The following ADGRF1 variants were observed in gnomAD, a reference collection of about 807,000 sequenced individuals.
ADGRF1 encodes the protein adhesion G protein-coupled receptor F1, also known as G protein-coupled receptor 110.
ADGRF1 carries 85 observed loss-of-function variants against 87.2 expected under a neutral mutation model. The ratio of observed to expected loss-of-function variants is 0.97; its 90% CI spans 0.82 to 1.17. The LOEUF (loss-of-function observed/expected upper bound fraction) is 1.17. ADGRF1 is among the 50% of genes most tolerant of loss of function. The pLI, the probability that ADGRF1 is intolerant of heterozygous loss-of-function variation, is 0.00. For synonymous variants in ADGRF1, 430 were observed against 408.8 expected, an observed-to-expected ratio of 1.05 and a Z score of -0.63; for missense variants, 1,169 against 1,077.2, an observed-to-expected ratio of 1.09 and a Z score of -1.19.
In ADGRF1 at chr6:47,008,994, C is replaced by T. The variant is rs1779609770; in HGVS notation, c.2441G>A (p.Ser814Asn). 3 of 1,610,650 alleles carry T rather than the reference C, an allele frequency of 1.9e-6. No individual in the cohort carries two copies. The African/African-American group carries it at 4.0e-5, about 22-fold the overall frequency. ...AATAACATGCCAAGCCAGATTCTGG[C>T]TGTCCACTATTGTTCCTATTCCAAA... ...WGFGIGTIVD[S>N]QNLAWHVIFA... Residue 814 changes from serine to asparagine, a missense_variant, in exon 11 of 15, where the codon AGC becomes AAC. By Grantham distance (46) the Ser-to-Asn change is conservative. Transcript: ENST00000371253.
intron 9 of ADGRF1, chr6:47,012,899 A>T (rs1438074416): frequency 1.6e-6 from 1 of 606,240 alleles, no homozygotes; most frequent in Non-Finnish European, 2.1e-6. Flanking sequence ...CCTCCCAAGT[A>T]GCTGGGATTA....
Position 47,026,108 on chromosome 6 carries a change from CCA to C in ADGRF1, c.128-107_128-106del, listed in dbSNP as rs1185495073. ...CATCAAATTTAGGTCAGGGACTCTACCATGCTGCTTGTTCCTGAGTTCCTCTC... is the reference window on the plus strand; with the variant it reads ...CATCAAATTTAGGTCAGGGACTCTACTGCTGCTTGTTCCTGAGTTCCTCTC... On this transcript the variant is annotated intron_variant, in intron 3 of 14. Coordinates refer to ENST00000371253, the MANE Select transcript of ADGRF1 (RefSeq NM_153840.4). 9.5e-6 allele frequency: 9 copies of C among 950,856 alleles called. No homozygotes were observed. The African/African-American group carries it at 1.5e-4, about 16-fold the overall frequency. The allele number at this position is 950,856 out of a possible 1,614,324, so 58.9% of individuals were successfully genotyped here.
intron 13 of ADGRF1, among the ~76,000 whole-genome samples, chr6:47,004,038 G>T (rs1779439780): frequency 6.6e-6 from 1 of 152,004 alleles, no homozygotes; most frequent in Admixed American, 6.6e-5. Flanking sequence ...ATTATCCTCA[G>T]TCTCTCTCTT....
intron 8 of ADGRF1, among the ~76,000 whole-genome samples, chr6:47,015,402 C>A (rs1037897393): frequency 4.0e-5 from 6 of 149,724 alleles, no homozygotes; most frequent in African/African-American, 7.6e-5. Flanking sequence ...CTGGAAGATC[C>A]ACAAGGGCTA....
At position 46,999,078 on chromosome 6, in the gene ADGRF1, A is replaced by C. The variant is rs1217102533; in HGVS notation, c.*1144T>G. On this transcript the variant is annotated 3_prime_UTR_variant, in exon 15 of 15. Transcript: ENST00000371253. ...ATCAAAGGCTCGGGTTCCTCTGGGC[A>C]CTATGGTCACGGCTGAAACTCAGGT... is the stretch of plus-strand genomic sequence containing the variant. 1 of 152,290 alleles carries C rather than the reference A, an allele frequency of 6.6e-6. No individual in the cohort carries two copies. The highest frequency in any genetic ancestry group is 2.4e-5 in the African/African-American group (1 of 41,458). The allele number at this position is 152,290 out of a possible 1,614,324, so 9.4% of individuals were successfully genotyped here. A position where few individuals can be genotyped will look rare whatever the true frequency, so the allele number is the denominator to read the frequency against.
chr6:47,000,957 C>T (rs1213664196), intron 14 of ADGRF1, among the ~76,000 whole-genome samples: 2 of 152,228 alleles, frequency 1.3e-5, no homozygotes, highest in Non-Finnish European at 2.9e-5. Context: ...TGCAGTTGCT[C>T]AATAGCACAG....
Position 46,999,399 on chromosome 6 carries a change from G to A in ADGRF1, c.*823C>T, listed in dbSNP as rs1339244668. 6.6e-6 allele frequency: 1 copy of A among 151,928 alleles called. No individual in the cohort carries two copies. Among genetic ancestry groups the A allele is most frequent in the Non-Finnish European group, 1.5e-5 (1 of 68,016 alleles). The allele number at this position is 151,928 out of a possible 1,614,324, so 9.4% of individuals were successfully genotyped here. On this transcript the variant is annotated 3_prime_UTR_variant, in exon 15 of 15. Transcript: ENST00000371253. ...GTAGGTAATTTTCAAGGCTTTTATT[G>A]GCTGTAGAAATGGTCTGGGAGACAA...
chr6:47,029,967 A>G (rs1582184900), intron 1 of ADGRF1, among the ~76,000 whole-genome samples: 1 of 152,192 alleles, frequency 6.6e-6, no homozygotes, highest in Non-Finnish European at 1.5e-5. Context: ...TGTTTCTTTT[A>G]CATCTCACAG....
intron 1 of ADGRF1, among the ~76,000 whole-genome samples, chr6:47,031,289 T>A (rs1334254144): frequency 6.6e-6 from 1 of 151,428 alleles, no homozygotes; most frequent in East Asian, 1.9e-4. Flanking sequence ...TCTCTCTCTC[T>A]CTCTGTCTGA....
At chr6:47,001,755 A>C in intron 13 of ADGRF1, 188 bp from the exon 14 acceptor site, 1 of 513,526 alleles carries the variant, frequency 1.9e-6, no homozygotes, top group Non-Finnish European at 3.4e-6. Context: ...AAAATGCCTA[A>C]AAATTTATTT....
intron 7 of ADGRF1, chr6:47,019,587 G>A (rs1479130743): frequency 3.4e-6 from 1 of 294,966 alleles, no homozygotes; most frequent in African/African-American, 2.3e-5. Flanking sequence ...GGGAGGCTGA[G>A]GAAGGAGGAT....
intron 11 of ADGRF1, 73 bp from the exon 12 acceptor site, chr6:47,007,367 A>C (rs572286470): frequency 2.3e-6 from 2 of 863,852 alleles, no homozygotes; most frequent in East Asian, 2.5e-5. Context: ...TATATGTAAC[A>C]CTATTCAATC....
In ADGRF1 at chr6:47,014,794, T is replaced by C. The variant is rs1440076495; in HGVS notation, c.814A>G (p.Thr272Ala). ...CTGTAGCCACTGCTGCAGGGCAGGG[T>C]ATATTCATCATCCTTGGACCCAAAT... ...FGFGSKDDEY[T>A]LPCSSGYRGN... Residue 272 changes from threonine (T) to alanine (A), a missense_variant, in exon 9 of 15, where the codon ACC becomes GCC. Thr to Ala is a moderately conservative substitution (Grantham distance 58, BLOSUM62 0). Transcript: ENST00000371253. The C allele has an allele frequency of 6.2e-7, 1 of 1,613,694 alleles. No homozygotes were observed. The highest frequency in any genetic ancestry group is 8.5e-7 in the Non-Finnish European group (1 of 1,179,858).
At chr6:47,007,204 G>T (rs368219104) in intron 12 of ADGRF1, 49 bp downstream of exon 12, 3 of 1,133,206 alleles carry the variant, frequency 2.6e-6, no homozygotes, top group Non-Finnish European at 2.6e-6. Flanking sequence ...AGGGGAGGGG[G>T]CCTAAGATGT....
intron 7 of ADGRF1, chr6:47,020,521 A>G (rs1220463723): frequency 6.6e-7 from 1 of 1,508,580 alleles, no homozygotes; most frequent in Non-Finnish European, 8.8e-7. Flanking sequence ...AAAAAAATTT[A>G]AGGTCCTAAA....
chr6:47,016,230 G>GTGTC (rs1373028148), intron 8 of ADGRF1, among the ~76,000 whole-genome samples: 3 of 152,124 alleles, frequency 2.0e-5, no homozygotes, highest in African/African-American at 7.2e-5. Context: ...GTGTGTGTGC[G>GTGTC]TGTCTGTCTG....
chr6:47,006,643 G>C (rs1432067480), intron 12 of ADGRF1, among the ~76,000 whole-genome samples: 1 of 152,046 alleles, frequency 6.6e-6, no homozygotes, highest in Non-Finnish European at 1.5e-5. Context: ...AGTATATACT[G>C]CACCCAATTT....
In ADGRF1 at chr6:46,998,983, A is replaced by G. The variant is rs1247436986; in HGVS notation, c.*1239T>C. 6.6e-6 allele frequency: 1 copy of G among 152,254 alleles called. No individual in the cohort carries two copies. The highest frequency in any genetic ancestry group is 1.5e-5 in the Non-Finnish European group (1 of 68,056). 9.4% of individuals were successfully genotyped at this position (152,254 alleles called of 1,614,324 possible). A position where few individuals can be genotyped will look rare whatever the true frequency, so the allele number is the denominator to read the frequency against. ...AGTTCCCCCAGCTGTCTTTATTTGCATAGCATGAAGGCTTTCCATGTCAGG... is the reference window on the plus strand; with the variant it reads ...AGTTCCCCCAGCTGTCTTTATTTGCGTAGCATGAAGGCTTTCCATGTCAGG... On this transcript the variant is annotated 3_prime_UTR_variant, in exon 15 of 15. Transcript: ENST00000371253.
intron 9 of ADGRF1, 130 bp downstream of exon 9, chr6:47,014,551 A>C (rs1779804426): frequency 6.8e-7 from 1 of 1,469,756 alleles, no homozygotes; most frequent in Non-Finnish European, 9.0e-7. Context: ...GTCTGATGTC[A>C]TCCTTGCTCT....
Sources: gnomAD v4.1 joint callset for allele counts (sites outside exome capture counted in the v4.1 genomes callset) on GRCh38, gnomAD v4.1.1 for gene constraint, MANE v1.5 for transcripts, NCBI Gene and HGNC (gene_info 2026-07-23, HGNC 2026-07-21) for gene names.